The following GRM5 variants were observed in gnomAD, a reference collection of about 807,000 sequenced individuals.
GRM5 encodes the protein glutamate metabotropic receptor 5, also known as metabotropic glutamate receptor 5.
A neutral mutation model predicts 83.1 loss-of-function variants in GRM5; 19 were observed. That is an observed-to-expected ratio of 0.23 (90% CI 0.16 to 0.34). The LOEUF (loss-of-function observed/expected upper bound fraction) is 0.34, where lower values mean the gene tolerates loss of function less well. Ranked by LOEUF, GRM5 falls within the 10% of genes least tolerant of loss-of-function variation. GRM5 has a pLI of 1.00. For missense variants in GRM5, 1,160 were observed against 1,588.3 expected (o/e 0.73, Z 4.58); for synonymous variants, 675 against 633.6 (o/e 1.07, Z -0.98).
chr11:88,911,669 G>A (rs1424418392), intron 2 of GRM5, among the ~76,000 whole-genome samples: 2 of 152,050 alleles, frequency 1.3e-5, no homozygotes, highest in African/African-American at 4.8e-5. Context: ...AACCTCTTTA[G>A]GCTATGTTTC....
At chr11:88,576,244 A>G (rs946918216) in intron 7 of GRM5, among the ~76,000 whole-genome samples, 2 of 152,070 alleles carry the variant, frequency 1.3e-5, no homozygotes, top group Non-Finnish European at 2.9e-5. Flanking sequence ...GATGAGTATG[A>G]CTTTTCTGAT....
intron 7 of GRM5, among the ~76,000 whole-genome samples, chr11:88,570,550 A>AATATATATAT (rs199551301): frequency 6.7e-4 from 48 of 71,944 alleles, no homozygotes; most frequent in African/African-American, 2.4e-3. Flanking sequence ...AAGTATTAAT[A>AATATATATAT]ATATATATAT....
chr11:88,864,876 G>A (rs981045161), intron 2 of GRM5, among the ~76,000 whole-genome samples: 2 of 152,130 alleles, frequency 1.3e-5, no homozygotes, highest in African/African-American at 2.4e-5. Flanking sequence ...TTAGCGTAAA[G>A]GGGTGTTGAA....
intron 4 of GRM5, among the ~76,000 whole-genome samples, chr11:88,615,526 C>T (rs1257356700): frequency 6.6e-6 from 1 of 151,938 alleles, no homozygotes; most frequent in Non-Finnish European, 1.5e-5. Flanking sequence ...GACCTTTCAC[C>T]TTCTTCAGGT....
intron 2 of GRM5, among the ~76,000 whole-genome samples, chr11:88,994,204 T>C (rs1317834070): frequency 6.6e-6 from 1 of 151,492 alleles, no homozygotes; most frequent in Non-Finnish European, 1.5e-5. Flanking sequence ...AGGAAAACAA[T>C]GAGACACTGA....
intron 4 of GRM5, among the ~76,000 whole-genome samples, chr11:88,646,140 T>C (rs1033746070): frequency 1.2e-4 from 19 of 152,062 alleles, no homozygotes; most frequent in Admixed American, 1.2e-3. Flanking sequence ...ATAGAAAAGA[T>C]ACAATAAATG....
chr11:89,054,372 C>T (rs1250963169), intron 1 of GRM5, among the ~76,000 whole-genome samples: 1 of 152,078 alleles, frequency 6.6e-6, no homozygotes. Context: ...GTGGAGAATG[C>T]GGCGGCAAGG....
chr11:88,971,955 A>C (rs1240326487), intron 2 of GRM5, among the ~76,000 whole-genome samples: 1 of 152,136 alleles, frequency 6.6e-6, no homozygotes, highest in African/African-American at 2.4e-5. Context: ...TGCAAAAGAC[A>C]TAAGAACCAG....
chr11:88,712,731 T>C (rs1490445594), intron 3 of GRM5, among the ~76,000 whole-genome samples: 1 of 152,054 alleles, frequency 6.6e-6, no homozygotes, highest in African/African-American at 2.4e-5. Flanking sequence ...AGTTGTTTCC[T>C]AAACATTGAA....
In GRM5 at chr11:88,986,727, CTTTT is replaced by C. The variant is rs60281684; in HGVS notation, c.661+60481_661+60484del. On this transcript the variant is annotated intron_variant, in intron 2 of 9. Transcript: ENST00000305447. ...ATATAGTCAGATGAGTTTATTTTTG[CTTTT>C]TTTTTTTTTTTTTTTTGCACTCTTG... Among the ~76,000 whole-genome samples, 50 of 93,108 alleles carry C rather than the reference CTTTT, an allele frequency of 5.4e-4. No homozygotes were observed. The East Asian group carries it at 0.01, about 19-fold the overall frequency. 61.1% of individuals were successfully genotyped at this position (93,108 alleles called of 152,430 possible). A position where few individuals can be genotyped will look rare whatever the true frequency, so the allele number is the denominator to read the frequency against.
chr11:88,779,479 C>T (rs866676149), intron 3 of GRM5, among the ~76,000 whole-genome samples: 1 of 152,164 alleles, frequency 6.6e-6, no homozygotes, highest in Non-Finnish European at 1.5e-5. Flanking sequence ...TAGATAAGTG[C>T]TCAGTTTTCC....
chr11:88,645,973 G>T (rs971405465), intron 4 of GRM5, among the ~76,000 whole-genome samples: 2 of 152,098 alleles, frequency 1.3e-5, no homozygotes, highest in African/African-American at 4.8e-5. Flanking sequence ...ATATAAAAAG[G>T]AGGAACCTAA....
intron 2 of GRM5, among the ~76,000 whole-genome samples, chr11:88,925,566 G>A (rs745915757): frequency 1.2e-4 from 18 of 152,034 alleles, no homozygotes; most frequent in East Asian, 7.7e-4. Flanking sequence ...TGTATTACAC[G>A]GGTTTAAACA....
intron 2 of GRM5, among the ~76,000 whole-genome samples, chr11:88,966,073 T>A (rs1938951187): frequency 6.6e-6 from 1 of 152,008 alleles, no homozygotes; most frequent in Non-Finnish European, 1.5e-5. Context: ...ATAATTTAAA[T>A]AGAAAGAAAT....
intron 2 of GRM5, among the ~76,000 whole-genome samples, chr11:88,913,141 T>C (rs953834145): frequency 2.6e-5 from 4 of 152,174 alleles, no homozygotes; most frequent in African/African-American, 9.7e-5. Context: ...TTCATGATCA[T>C]TGGTATTAAA....
At chr11:89,029,031 G>A (rs979010201) in intron 2 of GRM5, among the ~76,000 whole-genome samples, 5 of 151,672 alleles carry the variant, frequency 3.3e-5, no homozygotes, top group African/African-American at 1.2e-4. Flanking sequence ...AACATGCATT[G>A]CTTGGTTTTC....
At chr11:88,588,928 C>T (rs1426367964) in intron 7 of GRM5, among the ~76,000 whole-genome samples, 2 of 151,902 alleles carry the variant, frequency 1.3e-5, no homozygotes, top group African/African-American at 4.8e-5. Context: ...TTCTCAAGTA[C>T]CTAATATTAT....
intron 2 of GRM5, among the ~76,000 whole-genome samples, chr11:89,040,303 C>G (rs1358788099): frequency 6.6e-6 from 1 of 152,006 alleles, no homozygotes; most frequent in Non-Finnish European, 1.5e-5. Context: ...TATCTATTCA[C>G]TATCAAATTA....
At chr11:88,823,372 A>G (rs1046849508) in intron 3 of GRM5, among the ~76,000 whole-genome samples, 6 of 151,856 alleles carry the variant, frequency 4.0e-5, no homozygotes, top group African/African-American at 1.5e-4. Flanking sequence ...GGATATTATT[A>G]TTAGTTCTTT....
Sources: allele counts gnomAD v4.1 joint callset (sites outside exome capture counted in the v4.1 genomes callset), GRCh38; gene constraint gnomAD v4.1.1; transcripts MANE v1.5; gene names NCBI Gene and HGNC (gene_info 2026-07-23, HGNC 2026-07-21).